Variants in CTIF observed in about 807,000 individuals in gnomAD.
CTIF encodes the protein CBP80/20-dependent translation initiation factor.
Under a neutral mutation model 66.0 loss-of-function variants are expected in CTIF, and 21 were observed. The ratio of observed to expected loss-of-function variants is 0.32; its 90% CI spans 0.23 to 0.46. CTIF has a LOEUF of 0.46. Ranked by LOEUF, CTIF falls within the 20% of genes least tolerant of loss-of-function variation. The pLI is 1.00. For missense variants in CTIF, 739 were observed against 812.7 expected (o/e 0.91, Z 1.10); for synonymous variants, 345 against 326.4 (o/e 1.06, Z -0.62).
At chr18:48,820,868 C>T (rs975572926) in intron 10 of CTIF, among the ~76,000 whole-genome samples, 3 of 152,200 alleles carry the variant, frequency 2.0e-5, no homozygotes, top group Admixed American at 1.3e-4. Flanking sequence ...CCATCCAGCC[C>T]GTCTGGGGGT....
chr18:48,583,522 C>T (rs1315594603), intron 1 of CTIF, among the ~76,000 whole-genome samples: 1 of 152,176 alleles, frequency 6.6e-6, no homozygotes, highest in African/African-American at 2.4e-5. Flanking sequence ...AATTAACAGA[C>T]AGTGTGCCCT....
chr18:48,662,291 TA>T (rs1284213392), intron 3 of CTIF: 7 of 152,248 alleles, frequency 4.6e-5, no homozygotes, highest in African/African-American at 1.7e-4. Context: ...CGGCCCTGAA[TA>T]AATGTGGCTG....
At chr18:48,713,332 C>A (rs1478616877) in intron 7 of CTIF, among the ~76,000 whole-genome samples, 1 of 152,160 alleles carries the variant, frequency 6.6e-6, no homozygotes, top group Non-Finnish European at 1.5e-5. Context: ...TCTGCCCCAC[C>A]TCTCTGCGCC....
At chr18:48,643,998 A>G (rs2090980227) in intron 3 of CTIF, among the ~76,000 whole-genome samples, 1 of 152,194 alleles carries the variant, frequency 6.6e-6, no homozygotes, top group Non-Finnish European at 1.5e-5. Context: ...CCATTAATAA[A>G]AAAGTTCTTT....
At chr18:48,707,290 G>C (rs964700399) in intron 6 of CTIF, among the ~76,000 whole-genome samples, 3 of 152,164 alleles carry the variant, frequency 2.0e-5, no homozygotes, top group African/African-American at 4.8e-5. Context: ...AGCAAGGAGA[G>C]GTCTTTGGTC....
intron 4 of CTIF, 124 bp downstream of exon 4, chr18:48,663,949 TAGGA>T: frequency 3.4e-6 from 3 of 889,032 alleles, no homozygotes; most frequent in Non-Finnish European, 5.6e-6. Flanking sequence ...GTAGGGGATG[TAGGA>T]AGGATGGGGT....
At chr18:48,819,472 C>T (rs1213966959) in intron 10 of CTIF, among the ~76,000 whole-genome samples, 1 of 152,212 alleles carries the variant, frequency 6.6e-6, no homozygotes, top group Non-Finnish European at 1.5e-5. Context: ...GTTGTCGTCA[C>T]CTGCTCCTCC....
At chr18:48,588,337 C>T (rs972720732) in intron 1 of CTIF, among the ~76,000 whole-genome samples, 6 of 152,224 alleles carry the variant, frequency 3.9e-5, no homozygotes, top group Non-Finnish European at 5.9e-5. Context: ...GCCACTTCTC[C>T]ACTTGCTCTC....
intron 1 of CTIF, among the ~76,000 whole-genome samples, chr18:48,607,294 C>T (rs761686435): frequency 1.3e-5 from 2 of 152,164 alleles, no homozygotes; most frequent in Non-Finnish European, 2.9e-5. Context: ...GAGCGCTGGG[C>T]ACCGGATCAA....
chr18:48,773,737 C>T (rs1303869501), intron 9 of CTIF, among the ~76,000 whole-genome samples: 1 of 151,966 alleles, frequency 6.6e-6, no homozygotes, highest in Non-Finnish European at 1.5e-5. Flanking sequence ...GTGCCCCACC[C>T]CCGGCCCTGG....
intron 7 of CTIF, among the ~76,000 whole-genome samples, chr18:48,715,251 GA>G (rs368834152): frequency 0.025 from 3,712 of 146,882 alleles, 143 homozygotes; most frequent in African/African-American, 0.085. Flanking sequence ...TTTCCATTTT[GA>G]AAAAAAAAAA....
chr18:48,738,667 A>G (rs186877885), intron 7 of CTIF, among the ~76,000 whole-genome samples: 1 of 152,130 alleles, frequency 6.6e-6, no homozygotes, highest in Non-Finnish European at 1.5e-5. Flanking sequence ...GGCAGTCTCC[A>G]CCAGGGGTGC....
intron 10 of CTIF, among the ~76,000 whole-genome samples, chr18:48,839,497 C>A (rs2068889282): frequency 6.6e-6 from 1 of 152,220 alleles, no homozygotes; most frequent in African/African-American, 2.4e-5. Flanking sequence ...AAACACCCCA[C>A]ATCCTCTTCT....
At chr18:48,773,795 C>G (rs1484037837) in intron 9 of CTIF, among the ~76,000 whole-genome samples, 1 of 152,008 alleles carries the variant, frequency 6.6e-6, no homozygotes, top group East Asian at 1.9e-4. Context: ...TGCCCTTCGC[C>G]CATACCAACC....
At chr18:48,609,788 T>C (rs1372645585) in intron 1 of CTIF, among the ~76,000 whole-genome samples, 1 of 152,238 alleles carries the variant, frequency 6.6e-6, no homozygotes. Flanking sequence ...CTCTAGGGTG[T>C]ATACAGCAGA....
At position 48,761,542 on chromosome 18, in the gene CTIF, G is replaced by A. The variant is rs758437948; in HGVS notation, c.1224G>A (p.Glu408=). 11 of 1,614,228 alleles carry A rather than the reference G, an allele frequency of 6.8e-6. No individual in the cohort carries two copies. The highest frequency in any genetic ancestry group is 9.3e-6 in the Non-Finnish European group (11 of 1,180,056). ...CCCAGAACTCCACCAACTCCGAGGA[G>A]ATGCTGGGCGAGATCGTGCGCACAA... ...EEAQNSTNSE[E]MLGEIVRTIY... Residue 408 remains glutamate, a synonymous_variant, in exon 9 of 12, where the codon GAG becomes GAA. Coordinates refer to ENST00000256413, the MANE Select transcript of CTIF (RefSeq NM_014772.3). This position sits in a 1 kb window ranked among gnomAD's most constrained non-coding sequence, Gnocchi z 4.2.
intron 3 of CTIF, among the ~76,000 whole-genome samples, chr18:48,658,168 G>A (rs2091275781): frequency 6.6e-6 from 1 of 151,988 alleles, no homozygotes; most frequent in Non-Finnish European, 1.5e-5. Context: ...TGTGATGTGT[G>A]TGTATGTGTG....
At chr18:48,851,337 AG>A (rs1826682738) in intron 10 of CTIF, among the ~76,000 whole-genome samples, 1 of 152,222 alleles carries the variant, frequency 6.6e-6, no homozygotes, top group Non-Finnish European at 1.5e-5. Flanking sequence ...GCCCCATCAC[AG>A]AAAGTGGAAG....
chr18:48,659,506 A>G (rs1471892089), intron 3 of CTIF, among the ~76,000 whole-genome samples: 1 of 152,208 alleles, frequency 6.6e-6, no homozygotes, highest in Non-Finnish European at 1.5e-5. Flanking sequence ...CTGCACCCCC[A>G]GGGCTCCCTG....
Sources: allele counts gnomAD v4.1 joint callset (sites outside exome capture counted in the v4.1 genomes callset), GRCh38; gene constraint gnomAD v4.1.1; non-coding constraint Gnocchi (gnomAD v3.1); transcripts MANE v1.5; gene names NCBI Gene and HGNC (gene_info 2026-07-23, HGNC 2026-07-21).